The following UQCRC1 variants were observed in gnomAD, a reference collection of about 807,000 sequenced individuals.
UQCRC1 encodes cytochrome b-c1 complex subunit 1, mitochondrial.
In UQCRC1, 34 loss-of-function variants were observed where a neutral mutation model predicts 58.0. That is an observed-to-expected ratio of 0.59 (90% CI 0.45 to 0.78). The LOEUF (loss-of-function observed/expected upper bound fraction) is 0.78. Ranked by LOEUF, UQCRC1 falls within the 30% of genes least tolerant of loss-of-function variation. The pLI is 0.00. For synonymous variants in UQCRC1, 276 were observed against 248.8 expected, an observed-to-expected ratio of 1.11 and a Z score of -1.03; for missense variants, 610 against 646.0, an observed-to-expected ratio of 0.94 and a Z score of 0.60.
rs749679268 is a variant in UQCRC1, at chr3:48,601,448, C to A, written c.726G>T (p.Leu242=). The change falls in exon 7 of 13, where the codon CTG becomes CTT. Residue 242 remains leucine (L), a synonymous_variant. Transcript: ENST00000203407. ...CGAGGTGCTTCTGGGCGAGGTCTAA[C>A]AGTTGCTGGTGCTCCACTCCTGCTG... ...AAAGGVEHQQ[L]LDLAQKHLGG... 3.7e-6 allele frequency: 6 copies of A among 1,613,994 alleles called. No homozygotes were observed. Among genetic ancestry groups the A allele is most frequent in the Non-Finnish European group, 1.7e-6 (2 of 1,180,016 alleles).
In UQCRC1 at chr3:48,605,673, C is replaced by G. The variant is rs1017516858; in HGVS notation, c.297+97G>C. 6.5e-6 allele frequency: 8 copies of G among 1,237,796 alleles called. No homozygotes were observed. In the Admixed American group the frequency reaches 1.1e-4, roughly 17 times the overall value. The allele number at this position is 1,237,796 out of a possible 1,614,324, so 76.7% of individuals were successfully genotyped here. ...AGCCAGCCAGACATCAGCCCCGCAA[C>G]TGAGGCCCATAATCAGGCTAATTTT... On this transcript the variant is annotated intron_variant, in intron 3 of 12. Coordinates refer to ENST00000203407, the MANE Select transcript of UQCRC1 (RefSeq NM_003365.3).
intron 2 of UQCRC1, among the ~76,000 whole-genome samples, chr3:48,606,727 G>C (rs2046416086): frequency 6.8e-6 from 1 of 147,816 alleles, no homozygotes; most frequent in African/African-American, 2.5e-5. Context: ...CTGGGTGACA[G>C]AGAGACTCCA....
chr3:48,603,450 TG>T, intron 6 of UQCRC1, 113 bp downstream of exon 6: 1 of 991,804 alleles, frequency 1.0e-6, no homozygotes, highest in Non-Finnish European at 1.5e-6. Context: ...AAGGTTAGGG[TG>T]GGAGCAGAGT....
rs760364529 is a variant in UQCRC1, at chr3:48,609,621, C to T, written c.-1G>A. 3 of 1,566,602 alleles carry T rather than the reference C, an allele frequency of 1.9e-6. No homozygotes were observed. Among genetic ancestry groups the T allele is most frequent in the Admixed American group, 1.8e-5 (1 of 55,486 alleles). Reference sequence around the variant, plus strand: ...CCCGACAGACCACGGACGCCGCCATCTTCCAGCTGCAGTCGGCCCTGTTGC... The same window carrying T: ...CCCGACAGACCACGGACGCCGCCATTTTCCAGCTGCAGTCGGCCCTGTTGC... On this transcript the variant is annotated 5_prime_UTR_variant, in exon 1 of 13. Transcript: ENST00000203407.
rs187641562 is a variant in UQCRC1 at position 48,601,018 on chromosome 3, T to C, written c.923A>G (p.Asn308Ser). The C allele has an allele frequency of 1.0e-4, 164 of 1,608,508 alleles. 1 individual carries two copies. The East Asian group carries it at 1.8e-3, about 18-fold the overall frequency. ...SPDNVALQVANAIIGHYDCTY... is the reference protein window; with the variant it reads ...SPDNVALQVASAIIGHYDCTY... ...GCAGTCATAGTGGCCGATGATGGCA[T>C]TGGCCACTTGCAAGGCCACATTGTC... Residue 308 changes from asparagine to serine, a missense_variant, in exon 8 of 13, where the codon AAT becomes AGT. Coordinates refer to ENST00000203407, the MANE Select transcript of UQCRC1 (RefSeq NM_003365.3).
At chr3:48,608,542 G>A (rs908298890) in intron 2 of UQCRC1, among the ~76,000 whole-genome samples, 2 of 152,184 alleles carry the variant, frequency 1.3e-5, no homozygotes, top group Admixed American at 1.3e-4. Flanking sequence ...TTAAATCGCA[G>A]GACATTGTTT....
Position 48,604,376 on chromosome 3 carries a change from A to C in UQCRC1, c.483T>G (p.Ile161Met). 1.2e-6 allele frequency: 2 copies of C among 1,614,168 alleles called. No individual in the cohort carries two copies. Among genetic ancestry groups the C allele is most frequent in the Non-Finnish European group, 1.7e-6 (2 of 1,180,040 alleles). The change falls in exon 5 of 13, where the codon ATT (isoleucine) becomes ATG (methionine). Residue 161 changes from isoleucine to methionine, a missense_variant. Transcript: ENST00000203407. ...GCAGGATCACATCACGTTCCTTCTC[A>C]ATCTGTGAGTCTTCCAGACTACAGT... ...VQNCSLEDSQ[I>M]EKERDVILRE...
intron 11 of UQCRC1, 117 bp from the exon 12 acceptor site, chr3:48,599,827 C>A: frequency 8.2e-7 from 1 of 1,212,568 alleles, no homozygotes; most frequent in Non-Finnish European, 1.2e-6. Context: ...GTCCCCAGCC[C>A]AAAAGAGGAA....
In UQCRC1 at chr3:48,600,275, C is replaced by T. The variant is rs910655500; in HGVS notation, c.1214-124G>A. 2.6e-5 allele frequency: 31 copies of T among 1,170,458 alleles called. No individual in the cohort carries two copies. The African/African-American group carries it at 3.3e-4, about 13-fold the overall frequency. The allele number at this position is 1,170,458 out of a possible 1,614,324, so 72.5% of individuals were successfully genotyped here. On this transcript the variant is annotated intron_variant, in intron 10 of 12. Transcript: ENST00000203407. ...GACCTCATGCTGACTCAGATCACAG[C>T]CCTCTCTTCTATGGTCACCTATTAT...
intron 2 of UQCRC1, among the ~76,000 whole-genome samples, chr3:48,607,627 T>A (rs2046426299): frequency 6.6e-6 from 1 of 151,624 alleles, no homozygotes; most frequent in South Asian, 2.1e-4. Flanking sequence ...GACATAATCA[T>A]GGCTCACTGC....
intron 2 of UQCRC1, among the ~76,000 whole-genome samples, chr3:48,608,860 G>A (rs1041172590): frequency 1.3e-5 from 2 of 152,158 alleles, no homozygotes; most frequent in Non-Finnish European, 2.9e-5. Flanking sequence ...CCCATTTTCC[G>A]CATTATAAGA....
intron 7 of UQCRC1, 22 bp from the exon 8 acceptor site, chr3:48,601,140 C>A: frequency 6.3e-7 from 1 of 1,585,704 alleles, no homozygotes; most frequent in Non-Finnish European, 8.6e-7. Flanking sequence ...CATGACAAGG[C>A]TGAGGAACAG....
At chr3:48,601,829 C>A (rs1323078999) in intron 6 of UQCRC1, among the ~76,000 whole-genome samples, 2 of 152,178 alleles carry the variant, frequency 1.3e-5, no homozygotes, top group Non-Finnish European at 2.9e-5. Context: ...CCTGCCTTTT[C>A]CCTCTAGCTC....
In UQCRC1 at chr3:48,599,197, G is replaced by A. The variant is rs111579441; in HGVS notation, c.1379-5C>T. 43 of 1,601,184 alleles carry A rather than the reference G, an allele frequency of 2.7e-5. No individual in the cohort carries two copies. The Middle Eastern group carries it at 5.0e-4, about 19-fold the overall frequency. Reference sequence around the variant, plus strand: ...CTGGGAGCTGCTCAATGGGGCCTGTGGGGATAGGGTGGAGCGTCAGGGTGG... The same window carrying A: ...CTGGGAGCTGCTCAATGGGGCCTGTAGGGATAGGGTGGAGCGTCAGGGTGG... On this transcript the variant is annotated splice_region_variant and splice_polypyrimidine_tract_variant and intron_variant, in intron 12 of 12. Transcript: ENST00000203407.
Position 48,600,086 on chromosome 3 carries a change from C to T in UQCRC1, c.1279G>A (p.Ala427Thr). The change falls in exon 11 of 13, where the codon GCT (alanine) becomes ACT (threonine). Residue 427 changes from alanine (A) to threonine (T), a missense_variant. By Grantham distance (58) the Ala-to-Thr change is moderately conservative. Coordinates refer to ENST00000203407, the MANE Select transcript of UQCRC1 (RefSeq NM_003365.3). Reference protein sequence around the residue: ...LLTYGRRIPLAEWESRIAEVD... With the variant: ...LLTYGRRIPLTEWESRIAEVD... ...ACCGCAATCCGGCTTTCCCATTCAGCCAGGGGGATGCGGCGGCCATAGGTC... is the reference window on the plus strand; with the variant it reads ...ACCGCAATCCGGCTTTCCCATTCAGTCAGGGGGATGCGGCGGCCATAGGTC... 1 of 1,614,162 alleles carries T rather than the reference C, an allele frequency of 6.2e-7. No homozygotes were observed. The highest frequency in any genetic ancestry group is 8.5e-7 in the Non-Finnish European group (1 of 1,180,016).
chr3:48,599,431 G>T, intron 12 of UQCRC1: 1 of 691,788 alleles, frequency 1.4e-6, no homozygotes, highest in Non-Finnish European at 2.4e-6. Context: ...ATTGATGAAG[G>T]CACCTTGGCA....
intron 6 of UQCRC1, among the ~76,000 whole-genome samples, chr3:48,602,556 T>C (rs1406003644): frequency 6.9e-6 from 1 of 145,926 alleles, no homozygotes; most frequent in Non-Finnish European, 1.5e-5. Flanking sequence ...GGAGTTTCAC[T>C]CTGTTGTGCA....
intron 2 of UQCRC1, among the ~76,000 whole-genome samples, chr3:48,607,479 CT>C (rs997579553): frequency 2.6e-5 from 4 of 151,654 alleles, no homozygotes; most frequent in African/African-American, 7.3e-5. Context: ...CCAGCCAAGA[CT>C]TTTTTTTATT....
rs150360908 is a variant in UQCRC1 at position 48,600,574 on chromosome 3, T to TG, written c.1128-8dup. 3.2e-5 allele frequency: 51 copies of TG among 1,613,780 alleles called. No individual in the cohort carries two copies. Among genetic ancestry groups the TG allele is most frequent in the Middle Eastern group, 1.7e-4 (1 of 6,060 alleles). ...ACTGGTACACAGGCGCATCCTAAAG[T>TG]GGGGGGGTGGGTGGTATTCATTCTG... On this transcript the variant is annotated splice_region_variant and splice_polypyrimidine_tract_variant and intron_variant, in intron 9 of 12. Coordinates refer to ENST00000203407, the MANE Select transcript of UQCRC1 (RefSeq NM_003365.3).
Sources: gnomAD v4.1 joint callset for allele counts (sites outside exome capture counted in the v4.1 genomes callset) on GRCh38, gnomAD v4.1.1 for gene constraint, MANE v1.5 for transcripts, NCBI Gene and HGNC (gene_info 2026-07-23, HGNC 2026-07-21) for gene names.